The following RARB variants were observed in gnomAD, a reference collection of about 807,000 sequenced individuals.
RARB encodes HBV-activated protein.
In RARB, 17 loss-of-function variants were observed where a neutral mutation model predicts 51.9. The ratio of observed to expected loss-of-function variants is 0.33; its 90% CI spans 0.22 to 0.49. RARB has a LOEUF of 0.49. Ranked by LOEUF, RARB falls within the 20% of genes least tolerant of loss-of-function variation. The pLI, the probability that RARB is intolerant of heterozygous loss-of-function variation, is 0.99. For missense variants in RARB, 369 were observed against 550.8 expected (o/e 0.67, Z 3.30); for synonymous variants, 215 against 195.4 (o/e 1.10, Z -0.84).
At chr3:24,941,495 G>T (rs562176181) in intron 2 of RARB, among the ~76,000 whole-genome samples, 2 of 151,682 alleles carry the variant, frequency 1.3e-5, no homozygotes, top group South Asian at 4.2e-4. Context: ...TCAGTCTCCC[G>T]AATAGCTGGG....
chr3:25,412,887 C>G (rs527778542), intron 5 of RARB, among the ~76,000 whole-genome samples: 2 of 151,988 alleles, frequency 1.3e-5, no homozygotes, highest in Non-Finnish European at 2.9e-5. Flanking sequence ...GGCATGGTGG[C>G]GCATGCCTGT....
intron 5 of RARB, among the ~76,000 whole-genome samples, chr3:25,222,300 G>A (rs768225459): frequency 6.6e-6 from 1 of 152,108 alleles, no homozygotes; most frequent in Non-Finnish European, 1.5e-5. Context: ...ATCAAAACCA[G>A]TGACCACCTG....
At chr3:25,334,760 A>C (rs1358547125) in intron 5 of RARB, among the ~76,000 whole-genome samples, 1 of 152,214 alleles carries the variant, frequency 6.6e-6, no homozygotes, top group Non-Finnish European at 1.5e-5. Flanking sequence ...GAAGGAAAAA[A>C]ATGAGAGTTC....
intron 2 of RARB, among the ~76,000 whole-genome samples, chr3:25,003,125 G>GC (rs1439644225): frequency 6.6e-6 from 1 of 150,568 alleles, no homozygotes; most frequent in Non-Finnish European, 1.5e-5. Context: ...CATAGCCTTT[G>GC]CTTCGCTTTG....
intron 2 of RARB, among the ~76,000 whole-genome samples, chr3:24,893,337 AAAAT>A: frequency 6.6e-6 from 1 of 152,244 alleles, no homozygotes; most frequent in Non-Finnish European, 1.5e-5. Context: ...ATTGAGGAAT[AAAAT>A]AAACATTTAA....
chr3:25,379,161 C>A (rs1706553882), intron 5 of RARB, among the ~76,000 whole-genome samples: 1 of 152,132 alleles, frequency 6.6e-6, no homozygotes, highest in Non-Finnish European at 1.5e-5. Flanking sequence ...AAACTCCCCA[C>A]CCTCAGCTCC....
intron 5 of RARB, among the ~76,000 whole-genome samples, chr3:25,350,263 A>C (rs1705521727): frequency 6.6e-6 from 1 of 152,142 alleles, no homozygotes; most frequent in African/African-American, 2.4e-5. Flanking sequence ...GCAACCGCCT[A>C]CTGAAGTCAT....
At chr3:25,172,725 G>A (rs1411983990) in intron 4 of RARB, among the ~76,000 whole-genome samples, 1 of 152,154 alleles carries the variant, frequency 6.6e-6, no homozygotes, top group African/African-American at 2.4e-5. Context: ...GTTGTGAGAA[G>A]CATATTATTT....
intron 5 of RARB, among the ~76,000 whole-genome samples, chr3:25,283,164 T>C (rs1221042908): frequency 6.6e-6 from 1 of 152,204 alleles, no homozygotes; most frequent in East Asian, 1.9e-4. Flanking sequence ...TCCTTTTGGC[T>C]GCTCACAGGA....
intron 3 of RARB, among the ~76,000 whole-genome samples, chr3:25,501,817 G>A (rs188976237): frequency 2.9e-3 from 440 of 152,132 alleles, no homozygotes; most frequent in Non-Finnish European, 3.6e-3. Flanking sequence ...ACTTGATTTC[G>A]TTTTTCTTCT....
At chr3:24,893,312 A>G (rs1288394476) in intron 2 of RARB, among the ~76,000 whole-genome samples, 1 of 152,246 alleles carries the variant, frequency 6.6e-6, no homozygotes. Flanking sequence ...GGGTTTATTA[A>G]GTAAACATCT....
At chr3:25,378,814 G>C (rs891656913) in intron 5 of RARB, among the ~76,000 whole-genome samples, 2 of 152,092 alleles carry the variant, frequency 1.3e-5, no homozygotes, top group Non-Finnish European at 2.9e-5. Context: ...TGTGTGTCTT[G>C]GTTTCTTATG....
At chr3:24,948,307 C>T (rs1218049272) in intron 2 of RARB, among the ~76,000 whole-genome samples, 1 of 152,190 alleles carries the variant, frequency 6.6e-6, no homozygotes, top group African/African-American at 2.4e-5. Context: ...AAAAGAAATA[C>T]ACATATGACT....
At chr3:25,294,690 C>T (rs1703876467) in intron 5 of RARB, among the ~76,000 whole-genome samples, 2 of 140,658 alleles carry the variant, frequency 1.4e-5, no homozygotes, top group African/African-American at 2.9e-5. Context: ...GGAGAGAGAC[C>T]ATAGCTTCTC....
chr3:25,074,832 T>C lies in RARB; in HGVS notation c.-328+14656T>C, dbSNP rs537714374. On this transcript the variant is annotated intron_variant, in intron 3 of 11. Coordinates refer to the RARB transcript ENST00000383772. Reference sequence around the variant, plus strand: ...TCTTTCTTCTGCTTAATCTGAGCTATAGGGTCACTGGGGCCAGGACTCTTT... The same window carrying C: ...TCTTTCTTCTGCTTAATCTGAGCTACAGGGTCACTGGGGCCAGGACTCTTT... Among the ~76,000 whole-genome samples, 98 of 152,284 alleles carry C rather than the reference T, an allele frequency of 6.4e-4. 1 individual carries two copies. Among genetic ancestry groups the C allele is most frequent in the African/African-American group, 2.3e-3 (96 of 41,560 alleles).
chr3:24,862,271 T>C (rs1209028662), intron 2 of RARB, among the ~76,000 whole-genome samples: 1 of 152,140 alleles, frequency 6.6e-6, no homozygotes, highest in Non-Finnish European at 1.5e-5. Flanking sequence ...AGTGTTGGAG[T>C]GCTATTAAAG....
chr3:25,485,964 C>T (rs113700909), intron 2 of RARB, among the ~76,000 whole-genome samples: 56 of 152,314 alleles, frequency 3.7e-4, no homozygotes, highest in African/African-American at 1.2e-3. Context: ...CAGTGGCTTA[C>T]ATTGGGCTTT....
chr3:25,522,410 A>G (rs150044631), intron 3 of RARB, among the ~76,000 whole-genome samples: 22 of 152,262 alleles, frequency 1.4e-4, no homozygotes, highest in African/African-American at 5.1e-4. Context: ...CCTCCTCTGT[A>G]TACCAAACAC....
chr3:25,087,300 A>G (rs146035346), intron 3 of RARB, among the ~76,000 whole-genome samples: 31 of 152,228 alleles, frequency 2.0e-4, no homozygotes, highest in African/African-American at 6.0e-4. Context: ...AGTCCATTCA[A>G]TTGATTGGGA....
Sources: gnomAD v4.1 joint callset for allele counts (sites outside exome capture counted in the v4.1 genomes callset) on GRCh38, gnomAD v4.1.1 for gene constraint, MANE v1.5 for transcripts, NCBI Gene and HGNC (gene_info 2026-07-23, HGNC 2026-07-21) for gene names.